DIP2A: variants seen among roughly 807,000 people sequenced by gnomAD.
DIP2A encodes the protein DIP2 acetate--CoA ligase A, also known as disco-interacting protein 2 homolog A.
In DIP2A, 85 loss-of-function variants were observed where a neutral mutation model predicts 177.4. The ratio of observed to expected loss-of-function variants is 0.48; its 90% confidence interval spans 0.40 to 0.57. DIP2A has a LOEUF of 0.57. Among genes scored for constraint, DIP2A ranks in the 20% least tolerant of loss-of-function variants. The pLI, the probability that DIP2A is intolerant of heterozygous loss-of-function variation, is 0.00. For missense variants in DIP2A, 1,791 were observed against 2,100.2 expected, an observed-to-expected ratio of 0.85 and a Z score of 2.88; for synonymous variants, 886 against 881.8, an observed-to-expected ratio of 1.00 and a Z score of -0.08.
intron 1 of DIP2A, among the ~76,000 whole-genome samples, chr21:46,476,841 G>A (rs1331365171): frequency 6.6e-6 from 1 of 151,894 alleles, no homozygotes; most frequent in Non-Finnish European, 1.5e-5. Flanking sequence ...TTTTTTATTA[G>A]AGATGGGGTT....
chr21:46,533,968 CTGCT>C, intron 11 of DIP2A, 32 bp from the exon 12 acceptor site: 1 of 1,570,606 alleles, frequency 6.4e-7, no homozygotes, highest in Non-Finnish European at 8.7e-7. Flanking sequence ...ATGCCTCTGA[CTGCT>C]TGCTGTTCTG....
In DIP2A at chr21:46,498,195, A is replaced by G. The variant is rs905538504; in HGVS notation, c.404-387A>G. On this transcript the variant is annotated intron_variant, in intron 4 of 37. Coordinates refer to ENST00000417564, the MANE Select transcript of DIP2A (RefSeq NM_015151.4). This position sits in a 1 kb window ranked among gnomAD's most constrained non-coding sequence, Gnocchi z 4.3. ...CCGGGCACAGGCTCTCCCCTGGGTG[A>G]TGCTGACTGATGTGTGGATATGGTG... Among the ~76,000 whole-genome samples the G allele has an allele frequency of 6.6e-6, 1 of 152,140 alleles. No homozygotes were observed. The highest frequency in any genetic ancestry group is 1.5e-5 in the Non-Finnish European group (1 of 68,024).
rs371550332 is a variant in DIP2A, at chr21:46,495,244, T to TTCTCTCTCTCTCTCTCTCTC, written c.284-1728_284-1709dup. ...CTTCTCTTCTCTTCTCTTCTCTTCT[T>TTCTCTCTCTCTCTCTCTCTC]TCTCTCTCTCTCTCTCTCTCTCTCT... On this transcript the variant is annotated intron_variant, in intron 3 of 37. Transcript: ENST00000417564. Among the ~76,000 whole-genome samples the TTCTCTCTCTCTCTCTCTCTC allele has an allele frequency of 3.3e-3, 124 of 38,152 alleles. 1 individual carries two copies. The highest frequency in any genetic ancestry group is 4.6e-3 in the Non-Finnish European group (94 of 20,394). The allele number at this position is 38,152 out of a possible 152,430, so 25.0% of individuals were successfully genotyped here.
At chr21:46,477,571 T>TGTGTGTGTGTGTGTGTGTGTGTGTG (rs762054063) in intron 1 of DIP2A, among the ~76,000 whole-genome samples, 15 of 66,576 alleles carry the variant, frequency 2.3e-4, no homozygotes, top group African/African-American at 5.6e-4. Flanking sequence ...GTGTGTGTAT[T>TGTGTGTGTGTGTGTGTGTGTGTGTG]TCTTTTTTTT....
At position 46,553,986 on chromosome 21, in the gene DIP2A, A is replaced by G. The variant is rs562620716; in HGVS notation, c.3031-183A>G. 6 of 700,470 alleles carry G rather than the reference A, an allele frequency of 8.6e-6. No homozygotes were observed. In the African/African-American group the frequency reaches 9.1e-5, roughly 11 times the overall value. The allele number at this position is 700,470 out of a possible 1,614,324, so 43.4% of individuals were successfully genotyped here. ...CGAGACCAGCCTGGCCAACATGGTG[A>G]AACCCCATCTCTACCAAAAAAAAGA... On this transcript the variant is annotated intron_variant, in intron 25 of 37. Coordinates refer to ENST00000417564, the MANE Select transcript of DIP2A (RefSeq NM_015151.4).
chr21:46,548,769 G>A lies in DIP2A; in HGVS notation c.2523-1002G>A, dbSNP rs185317917. The stretch of plus-strand genomic sequence containing the variant: ...TAGTGGTGGTTAGGGATTGTCTGAG[G>A]AAGCAGGTGGTTGGGGTTCTCTGGA... On this transcript the variant is annotated intron_variant, in intron 21 of 37. Transcript: ENST00000417564. 1.8e-3 allele frequency among the ~76,000 whole-genome samples: 281 copies of A among 152,228 alleles called. 1 individual carries two copies. The highest frequency in any genetic ancestry group is 6.5e-3 in the African/African-American group (268 of 41,538).
intron 26 of DIP2A, 55 bp downstream of exon 26, chr21:46,554,347 C>A: frequency 6.2e-7 from 1 of 1,602,664 alleles, no homozygotes; most frequent in Middle Eastern, 1.7e-4. Flanking sequence ...GCCTCCTATC[C>A]TAAGCAGCCC....
At chr21:46,508,837 A>G (rs904169796) in intron 6 of DIP2A, among the ~76,000 whole-genome samples, 4 of 151,704 alleles carry the variant, frequency 2.6e-5, no homozygotes, top group Non-Finnish European at 5.9e-5. Context: ...CCTGGCCAAC[A>G]TGGTGAAACC....
At chr21:46,505,211 C>T (rs2057908400) in intron 6 of DIP2A, among the ~76,000 whole-genome samples, 1 of 152,108 alleles carries the variant, frequency 6.6e-6, no homozygotes, top group Non-Finnish European at 1.5e-5. Context: ...GCAGTCTGTA[C>T]ATTGGCTAGA....
intron 1 of DIP2A, among the ~76,000 whole-genome samples, chr21:46,478,333 C>G (rs919894099): frequency 6.6e-5 from 10 of 152,096 alleles, no homozygotes; most frequent in Non-Finnish European, 1.5e-4. Flanking sequence ...CTGCCTCAGC[C>G]TCCCGAGTAG....
At chr21:46,551,394 A>G (rs2148869382) in intron 23 of DIP2A, among the ~76,000 whole-genome samples, 1 of 152,366 alleles carries the variant, frequency 6.6e-6, no homozygotes, top group South Asian at 2.1e-4. Context: ...GCCAAATCGT[A>G]TCCTCTGAGA....
At chr21:46,583,158 A>G in the DIP2A span, among the ~76,000 whole-genome samples, 6 of 152,246 alleles carry the variant, frequency 3.9e-5, no homozygotes, top group East Asian at 5.8e-4. Flanking sequence ...GAGACATTTT[A>G]TAACTATAGA....
At chr21:46,570,393 C>T (rs2060946511), downstream of DIP2A, among the ~76,000 whole-genome samples, 1 of 152,110 alleles carries the variant, frequency 6.6e-6, no homozygotes, top group Admixed American at 6.5e-5. Context: ...TGAATATGTC[C>T]TCGTGTTCAT....
intron 1 of DIP2A, among the ~76,000 whole-genome samples, chr21:46,481,254 G>A (rs964695107): frequency 6.6e-6 from 1 of 152,128 alleles, no homozygotes; most frequent in African/African-American, 2.4e-5. Flanking sequence ...TTCTTTCAGC[G>A]TAATGTATTT....
intron 33 of DIP2A, chr21:46,561,025 G>A (rs2060644906): frequency 1.0e-6 from 1 of 985,082 alleles, no homozygotes; most frequent in South Asian, 4.7e-5. Context: ...GGAGCTCAGT[G>A]TCTATCTCTG....
chr21:46,466,176 G>A (rs1417040569), intron 1 of DIP2A, among the ~76,000 whole-genome samples: 4 of 152,024 alleles, frequency 2.6e-5, no homozygotes, highest in African/African-American at 9.7e-5. Context: ...GTCAGCATTT[G>A]GAAGATCCAC....
At chr21:46,459,297 CCCCCGCGCGGCCCCTCACTCCAGGA>C (rs2054062074) in intron 1 of DIP2A, 75 bp downstream of exon 1, 1 of 1,299,702 alleles carries the variant, frequency 7.7e-7, no homozygotes, top group African/African-American at 1.7e-5. Context: ...CACTCCGGGA[CCCCCGCGCGGCCCCTCACTCCAGGA>C]CCCCCGCCCT....
In DIP2A at chr21:46,539,980, C is replaced by A; in HGVS notation, c.2025C>A (p.Val675=). The part of the protein sequence containing the change: ...PCASSPEALT[V]AIRRPPDLGG... ...CAAGTTCTCCTGAGGCGCTGACTGT[C>A]GCCATCCGCAGGTAACCTTATTCCT... The change falls in exon 17 of 38, where the codon GTC becomes GTA. Residue 675 remains valine (V), a synonymous_variant. Transcript: ENST00000417564. 1.2e-6 allele frequency: 2 copies of A among 1,613,830 alleles called. No individual in the cohort carries two copies. Among genetic ancestry groups the A allele is most frequent in the Non-Finnish European group, 1.7e-6 (2 of 1,179,724 alleles).
chr21:46,466,342 CTTTTTTTTTTT>C (rs71187318), intron 1 of DIP2A, among the ~76,000 whole-genome samples: 1 of 89,572 alleles, frequency 1.1e-5, no homozygotes, highest in Non-Finnish European at 2.1e-5. Context: ...TACATTATAA[CTTTTTTTTTTT>C]TTTTTTTTTT....
Sources: allele counts gnomAD v4.1 joint callset (sites outside exome capture counted in the v4.1 genomes callset), GRCh38; gene constraint gnomAD v4.1.1; non-coding constraint Gnocchi (gnomAD v3.1); transcripts MANE v1.5; gene names NCBI Gene and HGNC (gene_info 2026-07-23, HGNC 2026-07-21).